UBE2K: variants seen among roughly 807,000 people sequenced by gnomAD.
The protein encoded by UBE2K is ubiquitin-conjugating enzyme E2 K.
A neutral mutation model predicts 30.0 loss-of-function variants in UBE2K; 6 were observed. The observed-to-expected ratio is 0.20, with a 90% CI of 0.11 to 0.39. The LOEUF is 0.39. Ranked by LOEUF, UBE2K falls within the 10% of genes least tolerant of loss-of-function variation. The pLI is 1.00. For synonymous variants in UBE2K, 86 were observed against 83.7 expected, an observed-to-expected ratio of 1.03 and a Z score of -0.15; for missense variants, 61 against 241.6, an observed-to-expected ratio of 0.25 and a Z score of 4.96.
intron 3 of UBE2K, among the ~76,000 whole-genome samples, chr4:39,746,642 A>G (rs948488572): frequency 1.3e-5 from 2 of 152,128 alleles, no homozygotes; most frequent in Non-Finnish European, 2.9e-5. Flanking sequence ...CTAATCTTCT[A>G]CCACTTCCAC....
At chr4:39,711,867 G>A (rs993424828) in intron 1 of UBE2K, among the ~76,000 whole-genome samples, 5 of 151,436 alleles carry the variant, frequency 3.3e-5, no homozygotes, top group Admixed American at 6.6e-5. Context: ...GAGAAACCTC[G>A]TCTCTCTACT....
intron 4 of UBE2K, among the ~76,000 whole-genome samples, chr4:39,758,901 C>T (rs1352644473): frequency 6.6e-6 from 1 of 152,146 alleles, no homozygotes; most frequent in Non-Finnish European, 1.5e-5. Context: ...TTTACATCAA[C>T]TATTCCCTTT....
At chr4:39,698,521 A>G in intron 1 of UBE2K, 131 bp downstream of exon 1, 6 of 802,570 alleles carry the variant, frequency 7.5e-6, no homozygotes, top group African/African-American at 1.7e-5. Flanking sequence ...GTGAGGAAGC[A>G]GCAGTGTTCC....
chr4:39,734,801 G>A (rs1021033037), intron 1 of UBE2K, among the ~76,000 whole-genome samples: 1 of 152,172 alleles, frequency 6.6e-6, no homozygotes, highest in Admixed American at 6.5e-5. Flanking sequence ...ATGGGAGTGA[G>A]ACCGTGTCTT....
Position 39,781,925 on chromosome 4 carries a change from G to A in UBE2K, c.*3491G>A, listed in dbSNP as rs1391366231. On this transcript the variant is annotated 3_prime_UTR_variant, in exon 7 of 7. Coordinates refer to ENST00000261427, the MANE Select transcript of UBE2K (RefSeq NM_005339.5). ...GCTGTCACTGGGAAGAAGGCAACTT[G>A]AAGTATTTACTGATAAAATAGCCTT... 5.0e-6 allele frequency: 2 copies of A among 398,356 alleles called. No individual in the cohort carries two copies. Among genetic ancestry groups the A allele is most frequent in the East Asian group, 3.6e-5 (1 of 28,076 alleles). 24.7% of individuals were successfully genotyped at this position (398,356 alleles called of 1,614,324 possible).
intron 4 of UBE2K, chr4:39,771,229 A>G: frequency 6.2e-7 from 1 of 1,612,244 alleles, no homozygotes; most frequent in South Asian, 1.1e-5. Flanking sequence ...GGAGACCTGC[A>G]GCTCCGAGCT....
In UBE2K at chr4:39,769,089, T is replaced by C. The variant is rs1712552889; in HGVS notation, c.300-5745T>C. Among the ~76,000 whole-genome samples the C allele has an allele frequency of 3.9e-5, 6 of 151,994 alleles. No homozygotes were observed. In the South Asian group the frequency reaches 1.2e-3, roughly 32 times the overall value. The stretch of plus-strand genomic sequence containing the variant: ...TCAGGTGATCTGCCCACCTCAGCCT[T>C]CCAAAGTATTGGGATTACAGACATG... On this transcript the variant is annotated intron_variant, in intron 4 of 6. Transcript: ENST00000261427.
At chr4:39,769,205 TTC>T (rs1292969702) in intron 4 of UBE2K, among the ~76,000 whole-genome samples, 1 of 103,876 alleles carries the variant, frequency 9.6e-6, no homozygotes, top group Non-Finnish European at 1.9e-5. Flanking sequence ...ACCCTGGAGT[TTC>T]TTTTTGTTTT....
In UBE2K at chr4:39,755,725, C is replaced by T. The variant is rs143341759; in HGVS notation, c.285C>T (p.Ile95=). 3.8e-6 allele frequency: 6 copies of T among 1,594,390 alleles called. No homozygotes were observed. The highest frequency in any genetic ancestry group is 2.7e-5 in the African/African-American group (2 of 73,682). Residue 95 remains isoleucine, a synonymous_variant, in exon 4 of 7, where the codon ATC becomes ATT. Transcript: ENST00000261427. ...SSVTGAICLD[I]LKDQWAAAMT... is the part of the protein sequence containing the mutation. Reference sequence around the variant, plus strand: ...TCACAGGGGCTATTTGTTTGGATATCCTGAAAGATCAATGGTAAGAGATTT... The same window carrying T: ...TCACAGGGGCTATTTGTTTGGATATTCTGAAAGATCAATGGTAAGAGATTT...
intron 6 of UBE2K, 22 bp from the exon 7 acceptor site, chr4:39,778,338 T>G (rs1482850878): frequency 1.3e-5 from 19 of 1,515,004 alleles, no homozygotes; most frequent in Non-Finnish European, 1.6e-5. Flanking sequence ...TTTAATTTCC[T>G]GTCCCCTTTT....
At chr4:39,744,628 T>C (rs1720884892) in intron 2 of UBE2K, among the ~76,000 whole-genome samples, 1 of 151,684 alleles carries the variant, frequency 6.6e-6, no homozygotes, top group Admixed American at 6.6e-5. Flanking sequence ...TAATTTGGGC[T>C]GGGCACAGTG....
At chr4:39,731,542 C>T (rs577167384) in intron 1 of UBE2K, among the ~76,000 whole-genome samples, 2 of 151,956 alleles carry the variant, frequency 1.3e-5, no homozygotes, top group South Asian at 2.1e-4. Flanking sequence ...ATTAGCCAGG[C>T]GTGGTGGCGG....
chr4:39,755,251 T>C (rs1721467886), intron 3 of UBE2K, among the ~76,000 whole-genome samples: 1 of 152,204 alleles, frequency 6.6e-6, no homozygotes, highest in Non-Finnish European at 1.5e-5. Flanking sequence ...TTTTACTTAC[T>C]TTTTTCCTCA....
intron 3 of UBE2K, among the ~76,000 whole-genome samples, chr4:39,750,200 A>G (rs1560366265): frequency 1.3e-5 from 2 of 152,158 alleles, no homozygotes; most frequent in Admixed American, 6.5e-5. Flanking sequence ...TCTCAAAAAA[A>G]ACAAAAACAA....
At chr4:39,757,000 G>GTTTTT in intron 4 of UBE2K, among the ~76,000 whole-genome samples, 1 of 94,338 alleles carries the variant, frequency 1.1e-5, no homozygotes. Flanking sequence ...TTTTTTGGGT[G>GTTTTT]TTTTTTTTTT....
intron 1 of UBE2K, chr4:39,710,269 T>TTGAC (rs1462883418): frequency 6.6e-6 from 1 of 150,606 alleles, no homozygotes; most frequent in Non-Finnish European, 1.5e-5. Flanking sequence ...GATTGATTGA[T>TTGAC]TGATTGATTG....
chr4:39,711,405 G>A (rs1340042592), intron 1 of UBE2K, among the ~76,000 whole-genome samples: 1 of 151,364 alleles, frequency 6.6e-6, no homozygotes, highest in African/African-American at 2.4e-5. Context: ...TTCATGATCC[G>A]CCCGCCTCGG....
At chr4:39,730,731 C>T (rs771170211) in intron 1 of UBE2K, among the ~76,000 whole-genome samples, 22 of 151,320 alleles carry the variant, frequency 1.5e-4, no homozygotes, top group Non-Finnish European at 2.4e-4. Flanking sequence ...GATTGCGCCA[C>T]TGCACTCCAG....
intron 1 of UBE2K, among the ~76,000 whole-genome samples, chr4:39,702,004 G>A (rs1017045477): frequency 6.6e-6 from 1 of 151,302 alleles, no homozygotes. Flanking sequence ...CAAGTGATCC[G>A]CCTGCCTCAA....
Sources: gnomAD v4.1 joint callset for allele counts (sites outside exome capture counted in the v4.1 genomes callset) on GRCh38, gnomAD v4.1.1 for gene constraint, MANE v1.5 for transcripts, NCBI Gene and HGNC (gene_info 2026-07-23, HGNC 2026-07-21) for gene names.